Variants in SCAI observed in about 807,000 individuals in gnomAD.
The protein encoded by SCAI is suppressor of cancer cell invasion, also known as protein SCAI.
Under a neutral mutation model 92.2 loss-of-function variants are expected in SCAI, and 24 were observed. The observed-to-expected ratio is 0.26, with a 90% CI of 0.19 to 0.37. The LOEUF is 0.37. Among genes scored for constraint, SCAI ranks in the 10% least tolerant of loss-of-function variants. SCAI has a pLI of 1.00. For missense variants in SCAI, 450 were observed against 736.2 expected (o/e 0.61, Z 4.50); for synonymous variants, 261 against 258.6 (o/e 1.01, Z -0.09).
Position 125,129,225 on chromosome 9 carries a change from G to A in SCAI, c.98+13408C>T, listed in dbSNP as rs1835344795. ...AGAGGCTGAGGCGAGCCGATCACTT[G>A]AGGTCAGGAGTTCCAGACCAGCCTG... On this transcript the variant is annotated intron_variant, in intron 2 of 17. Coordinates refer to ENST00000336505, the MANE Select transcript of SCAI (RefSeq NM_001144877.3). Among the ~76,000 whole-genome samples the A allele has an allele frequency of 1.3e-5, 2 of 151,556 alleles. 1 individual carries two copies. The highest frequency in any genetic ancestry group is 4.2e-4 in the South Asian group (2 of 4,790).
At chr9:125,109,199 T>C (rs1834881842) in intron 2 of SCAI, among the ~76,000 whole-genome samples, 2 of 152,140 alleles carry the variant, frequency 1.3e-5, no homozygotes, top group African/African-American at 4.8e-5. Context: ...TAATCTCAAG[T>C]ACCCAGGGAC....
Position 124,971,350 on chromosome 9 carries a change from T to C in SCAI, c.1674+20A>G, listed in dbSNP as rs1831655045. The C allele has an allele frequency of 2.0e-6, 3 of 1,467,290 alleles. No individual in the cohort carries two copies. The highest frequency in any genetic ancestry group is 2.3e-5 in the East Asian group (1 of 43,906). 90.9% of individuals were successfully genotyped at this position (1,467,290 alleles called of 1,614,324 possible). ...TACCTAAAATGATAAAATTCGTCTT[T>C]AATAATGTTCTTTGCCTACCCGAAA... is the stretch of plus-strand genomic sequence containing the variant. On this transcript the variant is annotated intron_variant, in intron 17 of 17. Coordinates refer to ENST00000336505, the MANE Select transcript of SCAI (RefSeq NM_001144877.3).
chr9:125,110,532 T>C (rs1217442739), intron 2 of SCAI, among the ~76,000 whole-genome samples: 1 of 151,982 alleles, frequency 6.6e-6, no homozygotes, highest in Non-Finnish European at 1.5e-5. Context: ...GGAGGTGGAG[T>C]CTGGTGGGAG....
At chr9:125,090,192 A>AG (rs1480246522) in intron 2 of SCAI, among the ~76,000 whole-genome samples, 1 of 152,218 alleles carries the variant, frequency 6.6e-6, no homozygotes, top group Non-Finnish European at 1.5e-5. Flanking sequence ...AATGATGAAT[A>AG]CTACAAGATT....
At chr9:125,045,748 T>A (rs1289678804) in intron 3 of SCAI, among the ~76,000 whole-genome samples, 3 of 152,186 alleles carry the variant, frequency 2.0e-5, no homozygotes, top group Non-Finnish European at 4.4e-5. Context: ...CACATTAACA[T>A]AGGCTATGAC....
chr9:125,065,802 C>T (rs1205358434), intron 2 of SCAI, among the ~76,000 whole-genome samples: 1 of 152,162 alleles, frequency 6.6e-6, no homozygotes, highest in Non-Finnish European at 1.5e-5. Context: ...TGTAATTTAT[C>T]ACACAAGTAG....
intron 15 of SCAI, chr9:124,974,121 A>G: frequency 3.0e-6 from 1 of 331,796 alleles, no homozygotes; most frequent in South Asian, 2.2e-5. Context: ...CTCTGTGAAG[A>G]ATGTAACTGT....
chr9:124,990,084 G>A (rs1051117474), intron 14 of SCAI, among the ~76,000 whole-genome samples: 6 of 152,100 alleles, frequency 3.9e-5, no homozygotes, highest in African/African-American at 1.4e-4. Flanking sequence ...TAAGGCAGGA[G>A]AATGGCCTGA....
At position 124,948,946 on chromosome 9, in the gene SCAI, T is replaced by C. The variant is rs1306348243; in HGVS notation, c.*3861A>G. 2 of 152,234 alleles carry C rather than the reference T, an allele frequency of 1.3e-5. No individual in the cohort carries two copies. The highest frequency in any genetic ancestry group is 4.8e-5 in the African/African-American group (2 of 41,472). 9.4% of individuals were successfully genotyped at this position (152,234 alleles called of 1,614,324 possible). On this transcript the variant is annotated 3_prime_UTR_variant, in exon 18 of 18. Coordinates refer to ENST00000336505, the MANE Select transcript of SCAI (RefSeq NM_001144877.3). ...GCAGGTGGTATGCATTTTTAAAAAATGAAATTCTTTGCCACTATCATCAGC... is the reference window on the plus strand; with the variant it reads ...GCAGGTGGTATGCATTTTTAAAAAACGAAATTCTTTGCCACTATCATCAGC...
At chr9:125,026,395 AGAG>A (rs1319253809) in intron 6 of SCAI, among the ~76,000 whole-genome samples, 2 of 138,994 alleles carry the variant, frequency 1.4e-5, no homozygotes, top group Non-Finnish European at 3.1e-5. Context: ...AAAAAAAAAA[AGAG>A]AGAGAAAATT....
intron 14 of SCAI, among the ~76,000 whole-genome samples, chr9:124,993,635 A>G (rs1300672891): frequency 6.6e-6 from 1 of 152,212 alleles, no homozygotes; most frequent in African/African-American, 2.4e-5. Context: ...CCTAAAAATC[A>G]GAAGTTGTAA....
intron 5 of SCAI, among the ~76,000 whole-genome samples, 154 bp downstream of exon 5, chr9:125,028,238 A>C (rs1410699369): frequency 6.6e-6 from 1 of 152,234 alleles, no homozygotes. Flanking sequence ...GTTATTGCAC[A>C]ACATTGTCTT....
rs771267312 is a variant in SCAI at position 124,995,020 on chromosome 9, G to C, written c.1245-5C>G. On this transcript the variant is annotated splice_region_variant and splice_polypyrimidine_tract_variant and intron_variant, in intron 13 of 17. Coordinates refer to ENST00000336505, the MANE Select transcript of SCAI (RefSeq NM_001144877.3). ...TAGAGATCCCCGGGATGAAGGCTGG[G>C]AAAACAACAACGAAGAACTGTTAAA... The C allele has an allele frequency of 1.9e-6, 3 of 1,605,744 alleles. No homozygotes were observed. In the South Asian group the frequency reaches 3.4e-5, roughly 18 times the overall value.
chr9:125,134,968 G>A (rs1835490898), intron 2 of SCAI, among the ~76,000 whole-genome samples: 1 of 152,124 alleles, frequency 6.6e-6, no homozygotes, highest in South Asian at 2.1e-4. Flanking sequence ...GAGCCACCAC[G>A]CCCGGCCAGT....
intron 2 of SCAI, among the ~76,000 whole-genome samples, chr9:125,088,640 C>A (rs1025182764): frequency 1.3e-5 from 2 of 152,070 alleles, no homozygotes; most frequent in African/African-American, 4.8e-5. Context: ...CACACACCCA[C>A]CTAATATCTT....
At chr9:125,061,299 A>G (rs1339882088) in intron 2 of SCAI, among the ~76,000 whole-genome samples, 2 of 152,136 alleles carry the variant, frequency 1.3e-5, no homozygotes, top group African/African-American at 4.8e-5. Flanking sequence ...TCCGTCTCAA[A>G]AAAAAAAAAG....
chr9:125,048,405 C>T (rs1253770842), intron 3 of SCAI, among the ~76,000 whole-genome samples: 3 of 152,154 alleles, frequency 2.0e-5, no homozygotes, highest in Admixed American at 2.0e-4. Flanking sequence ...ATATCACAAG[C>T]TTGTACAGAC....
intron 2 of SCAI, among the ~76,000 whole-genome samples, chr9:125,093,867 A>C (rs1304933624): frequency 2.0e-5 from 3 of 151,784 alleles, no homozygotes; most frequent in Non-Finnish European, 4.4e-5. Flanking sequence ...CCCGGCCGAC[A>C]CCTACGTTTT....
At chr9:125,092,444 C>T (rs904736900) in intron 2 of SCAI, among the ~76,000 whole-genome samples, 2 of 152,166 alleles carry the variant, frequency 1.3e-5, no homozygotes, top group Non-Finnish European at 2.9e-5. Context: ...CAGAGCAAGA[C>T]TCTGTCAAAC....
Sources: allele counts gnomAD v4.1 joint callset (sites outside exome capture counted in the v4.1 genomes callset), GRCh38; gene constraint gnomAD v4.1.1; transcripts MANE v1.5; gene names NCBI Gene and HGNC (gene_info 2026-07-23, HGNC 2026-07-21).